Variants in CHLSN observed in about 807,000 individuals in gnomAD.
The protein encoded by CHLSN is cholesin.
the CHLSN span, chr7:988,485 T>A: frequency 6.2e-7 from 1 of 1,602,214 alleles, no homozygotes; most frequent in Admixed American, 1.7e-5. Context: ...CGGCCCCAGC[T>A]CCGCCTGCCG....
At chr7:1,000,057 C>T in the CHLSN span, among the ~76,000 whole-genome samples, 11 of 152,226 alleles carry the variant, frequency 7.2e-5, no homozygotes, top group African/African-American at 2.4e-4. Context: ...GTGCAGGTGG[C>T]CTCCCTAAGG....
the CHLSN span, among the ~76,000 whole-genome samples, chr7:1,122,043 G>A: frequency 4.6e-5 from 7 of 152,330 alleles, no homozygotes; most frequent in East Asian, 3.9e-4. Context: ...CTGAGGCTCC[G>A]CCGGCTCGCA....
the CHLSN span, among the ~76,000 whole-genome samples, chr7:1,015,879 C>T: frequency 0.16 from 25,076 of 152,200 alleles, 2,525 homozygotes; most frequent in Admixed American, 0.22. Context: ...CTCCAGGGGC[C>T]CCTCTGTGAG....
chr7:1,000,196 A>G, the CHLSN span, among the ~76,000 whole-genome samples: 1 of 152,124 alleles, frequency 6.6e-6, no homozygotes, highest in African/African-American at 2.4e-5. Context: ...CGGCCCCTTC[A>G]GACTGTGGCT....
At chr7:1,006,727 GCAGA>G in the CHLSN span, among the ~76,000 whole-genome samples, 11 of 149,556 alleles carry the variant, frequency 7.4e-5, no homozygotes, top group Admixed American at 4.0e-4. Flanking sequence ...CGGTCACAGC[GCAGA>G]CAAAGAGCGC....
the CHLSN span, among the ~76,000 whole-genome samples, chr7:1,021,849 C>A: frequency 6.6e-6 from 1 of 152,258 alleles, no homozygotes; most frequent in Non-Finnish European, 1.5e-5. Context: ...GATGCGCGCC[C>A]TTCCGCGGGG....
At chr7:1,121,360 C>A in the CHLSN span, among the ~76,000 whole-genome samples, 5 of 152,124 alleles carry the variant, frequency 3.3e-5, no homozygotes, top group South Asian at 1.0e-3. Flanking sequence ...CACCAGCCAC[C>A]ACTCAGCCCC....
chr7:988,468 G>A, the CHLSN span: 1 of 1,608,140 alleles, frequency 6.2e-7, no homozygotes, highest in Middle Eastern at 1.7e-4. Flanking sequence ...GGGCTCCAGG[G>A]GTGGGACGGC....
the CHLSN span, among the ~76,000 whole-genome samples, chr7:1,077,079 G>A: frequency 6.6e-6 from 1 of 152,370 alleles, no homozygotes; most frequent in African/African-American, 2.4e-5. Flanking sequence ...GACAGGGTCC[G>A]AGGAAGGCGC....
the CHLSN span, chr7:1,021,597 G>A: frequency 2.0e-6 from 2 of 982,424 alleles, no homozygotes; most frequent in Non-Finnish European, 1.2e-6. Context: ...CCATGCTGTT[G>A]GATGGGAGAG....
chr7:1,027,136 A>G, the CHLSN span: 14 of 152,234 alleles, frequency 9.2e-5, no homozygotes, highest in African/African-American at 3.4e-4. Context: ...CATCATGTCA[A>G]TTTTGTTAGT....
At chr7:987,955 TG>T in the CHLSN span, among the ~76,000 whole-genome samples, 2 of 94,898 alleles carry the variant, frequency 2.1e-5, no homozygotes, top group Admixed American at 1.0e-4. Flanking sequence ...CTGTGTGTCC[TG>T]GGGGTCCCCT....
the CHLSN span, chr7:1,055,353 C>T: frequency 3.6e-5 from 17 of 470,862 alleles, no homozygotes; most frequent in South Asian, 1.9e-4. Context: ...TAAGAGCCTG[C>T]GGGTTTGCAG....
the CHLSN span, among the ~76,000 whole-genome samples, chr7:1,019,215 G>GA: frequency 8.0e-6 from 1 of 124,430 alleles, no homozygotes; most frequent in Non-Finnish European, 1.6e-5. Flanking sequence ...AAAAAAACGG[G>GA]GGGGGGGGAG....
the CHLSN span, among the ~76,000 whole-genome samples, chr7:1,123,104 C>T: frequency 1.3e-5 from 2 of 152,188 alleles, no homozygotes; most frequent in Non-Finnish European, 2.9e-5. The surrounding 1 kb of genome is among the most constrained non-coding windows in gnomAD (Gnocchi z 4.4). Flanking sequence ...GTGCCCAGGA[C>T]CGAGGAACGG....
At chr7:1,064,896 G>A in the CHLSN span, among the ~76,000 whole-genome samples, 1 of 152,226 alleles carries the variant, frequency 6.6e-6, no homozygotes, top group South Asian at 2.1e-4. Context: ...GGTGGGAAAC[G>A]CCGGGTCAAG....
At chr7:997,776 A>G in the CHLSN span, 1 of 1,608,344 alleles carries the variant, frequency 6.2e-7, no homozygotes, top group East Asian at 2.3e-5. Flanking sequence ...CAGGTAGGCC[A>G]GCAGGGTGGA....
the CHLSN span, among the ~76,000 whole-genome samples, chr7:1,033,804 G>C: frequency 6.6e-6 from 1 of 152,106 alleles, no homozygotes; most frequent in African/African-American, 2.4e-5. Context: ...TAATGGGGGT[G>C]CCTCCTGAGT....
At chr7:1,055,309 A>AC in the CHLSN span, 4 of 471,174 alleles carry the variant, frequency 8.5e-6, no homozygotes, top group East Asian at 2.8e-4. Context: ...TGGGGCCCTC[A>AC]CACGCACGCG....
Sources: gnomAD v4.1 joint callset for allele counts (sites outside exome capture counted in the v4.1 genomes callset) on GRCh38, gnomAD v4.1.1 for gene constraint, Gnocchi (gnomAD v3.1) non-coding constraint, MANE v1.5 for transcripts, NCBI Gene and HGNC (gene_info 2026-07-23, HGNC 2026-07-21) for gene names.